Variants in RNF111 observed in about 807,000 individuals in gnomAD.
RNF111 encodes the protein E3 ubiquitin-protein ligase Arkadia.
In RNF111, 17 loss-of-function variants were observed where a neutral mutation model predicts 95.1. That is an observed-to-expected ratio of 0.18 (90% CI 0.12 to 0.27). The LOEUF is 0.27. RNF111 is among the 10% of genes least tolerant of loss of function. The pLI, the probability that RNF111 is intolerant of heterozygous loss-of-function variation, is 1.00. For missense variants in RNF111, 1,189 were observed against 1,210.4 expected (o/e 0.98, Z 0.26); for synonymous variants, 440 against 414.8 (o/e 1.06, Z -0.74).
chr15:59,009,344 T>A (rs976589851), intron 1 of RNF111, among the ~76,000 whole-genome samples: 1 of 152,064 alleles, frequency 6.6e-6, no homozygotes, highest in Admixed American at 6.5e-5. Flanking sequence ...GAGCATAGTC[T>A]TTGTGAGGGT....
chr15:59,078,754 G>A (rs996650071), intron 7 of RNF111, among the ~76,000 whole-genome samples: 16 of 152,032 alleles, frequency 1.1e-4, no homozygotes, highest in African/African-American at 3.6e-4. Flanking sequence ...AGCTACTCGG[G>A]AGGCTGAGGC....
intron 2 of RNF111, among the ~76,000 whole-genome samples, chr15:59,035,779 T>C (rs2041147617): frequency 6.6e-6 from 1 of 152,200 alleles, no homozygotes; most frequent in Admixed American, 6.5e-5. Flanking sequence ...AGAAGTTCCT[T>C]GTCTACATCT....
At chr15:59,067,159 T>A in intron 6 of RNF111, 76 bp downstream of exon 6, 1 of 1,211,334 alleles carries the variant, frequency 8.3e-7, no homozygotes, top group Non-Finnish European at 1.2e-6. Flanking sequence ...CTTTTCTCTC[T>A]CTTCCTCTTC....
intron 1 of RNF111, among the ~76,000 whole-genome samples, chr15:59,000,905 G>A (rs1029662605): frequency 3.3e-5 from 5 of 152,112 alleles, no homozygotes; most frequent in South Asian, 2.1e-4. Context: ...TGATCAAAAC[G>A]AAATCTGCTC....
intron 2 of RNF111, among the ~76,000 whole-genome samples, chr15:59,033,742 T>C (rs542233691): frequency 1.5e-4 from 23 of 152,230 alleles, no homozygotes; most frequent in Non-Finnish European, 2.6e-4. Flanking sequence ...ACTTAATTCA[T>C]TTAAAAATCT....
intron 6 of RNF111, among the ~76,000 whole-genome samples, chr15:59,075,589 T>G (rs1189908963): frequency 6.6e-6 from 1 of 152,228 alleles, no homozygotes; most frequent in East Asian, 1.9e-4. Context: ...CTAGTCACAA[T>G]GTTGGGATAA....
At chr15:59,057,541 G>A (rs752206489) in intron 4 of RNF111, among the ~76,000 whole-genome samples, 24 of 152,030 alleles carry the variant, frequency 1.6e-4, no homozygotes, top group Non-Finnish European at 1.2e-4. Context: ...TATTCCTACC[G>A]TTCTCAATTT....
In RNF111 at chr15:59,080,921, A is replaced by AT; in HGVS notation, c.1949-14dup. On this transcript the variant is annotated splice_polypyrimidine_tract_variant and intron_variant, in intron 7 of 13. Transcript: ENST00000348370. ...ATGGTGCCTATGTAACATACTCAAA[A>AT]TATTTTTCTTGCAGATGCCTCTTTG... 1.3e-6 allele frequency: 2 copies of AT among 1,594,348 alleles called. No homozygotes were observed. The highest frequency in any genetic ancestry group is 1.7e-6 in the Non-Finnish European group (2 of 1,168,950).
chr15:59,000,268 G>T (rs1234248767), intron 1 of RNF111, among the ~76,000 whole-genome samples: 3 of 149,692 alleles, frequency 2.0e-5, no homozygotes, highest in African/African-American at 4.9e-5. Flanking sequence ...GGCTCAGGCA[G>T]TCCTCCCACT....
intron 1 of RNF111, among the ~76,000 whole-genome samples, chr15:59,025,029 T>C (rs991457422): frequency 1.3e-5 from 2 of 152,250 alleles, no homozygotes; most frequent in African/African-American, 4.8e-5. Flanking sequence ...TACTATTTCA[T>C]TGTACGTGTA....
chr15:59,069,750 C>T (rs137879390), intron 6 of RNF111, among the ~76,000 whole-genome samples: 15 of 152,178 alleles, frequency 9.9e-5, no homozygotes, highest in Non-Finnish European at 1.8e-4. Context: ...ACCAAATGCT[C>T]ATAAAATAGC....
chr15:58,996,649 CTTTTTTTTTTTT>C (rs60350601), intron 1 of RNF111, among the ~76,000 whole-genome samples: 14 of 100,770 alleles, frequency 1.4e-4, no homozygotes, highest in Admixed American at 2.1e-4. Flanking sequence ...TCAGTACTTT[CTTTTTTTTTTTT>C]TTTTTTTTTT....
At chr15:59,004,698 C>G (rs1224971331) in intron 1 of RNF111, among the ~76,000 whole-genome samples, 2 of 152,150 alleles carry the variant, frequency 1.3e-5, no homozygotes, top group African/African-American at 2.4e-5. Context: ...CAAAGATAAC[C>G]TTGGAAATCC....
chr15:59,004,489 G>A (rs184080834), intron 1 of RNF111, among the ~76,000 whole-genome samples: 3 of 152,234 alleles, frequency 2.0e-5, no homozygotes, highest in Admixed American at 6.5e-5. Flanking sequence ...GATCAGTGAC[G>A]TACAGTAAAA....
chr15:59,057,509 G>C (rs1026167274), intron 4 of RNF111, among the ~76,000 whole-genome samples: 1 of 152,054 alleles, frequency 6.6e-6, no homozygotes, highest in East Asian at 1.9e-4. Flanking sequence ...TTTAATTGTC[G>C]TGACTATGCT....
intron 1 of RNF111, among the ~76,000 whole-genome samples, chr15:59,000,111 A>G (rs2039256953): frequency 6.6e-6 from 1 of 151,842 alleles, no homozygotes; most frequent in African/African-American, 2.4e-5. Context: ...ATCAGTAGAT[A>G]TAACCCATAT....
At chr15:59,080,114 CT>C (rs1194255542) in intron 7 of RNF111, among the ~76,000 whole-genome samples, 389 of 85,478 alleles carry the variant, frequency 4.6e-3, no homozygotes, top group Non-Finnish European at 5.3e-3. Flanking sequence ...TTGTGTGCTC[CT>C]TTTTTTTTTT....
chr15:59,034,465 A>AT (rs1464310990), intron 2 of RNF111, among the ~76,000 whole-genome samples: 2 of 152,302 alleles, frequency 1.3e-5, no homozygotes, highest in Admixed American at 1.3e-4. Flanking sequence ...TGTGCCAGTA[A>AT]TGTTCTATTT....
chr15:59,036,140 A>T (rs1423119190), intron 2 of RNF111, among the ~76,000 whole-genome samples: 4 of 151,922 alleles, frequency 2.6e-5, no homozygotes, highest in African/African-American at 9.7e-5. Flanking sequence ...CAGTGGTGTG[A>T]TCTTGGCTCA....
Sources: gnomAD v4.1 joint callset for allele counts (sites outside exome capture counted in the v4.1 genomes callset) on GRCh38, gnomAD v4.1.1 for gene constraint, MANE v1.5 for transcripts, NCBI Gene and HGNC (gene_info 2026-07-23, HGNC 2026-07-21) for gene names.